Variants in ARHGAP18 observed in about 807,000 individuals in gnomAD.
The protein encoded by ARHGAP18 is Rho GTPase activating protein 18, also known as rho GTPase-activating protein 18.
ARHGAP18 carries 67 observed loss-of-function variants against 86.2 expected under a neutral mutation model. That is an observed-to-expected ratio of 0.78 (90% confidence interval 0.64 to 0.95). ARHGAP18 has a LOEUF of 0.95. Among genes scored for constraint, ARHGAP18 ranks in the 40% least tolerant of loss-of-function variants. ARHGAP18 has a pLI of 0.00. For synonymous variants in ARHGAP18, 283 were observed against 280.4 expected (o/e 1.01, Z -0.09); for missense variants, 691 against 780.4 (o/e 0.89, Z 1.37).
intron 4 of ARHGAP18, 134 bp from the exon 5 acceptor site, chr6:129,629,656 A>G: frequency 1.1e-6 from 1 of 916,934 alleles, no homozygotes; most frequent in Non-Finnish European, 1.6e-6. Context: ...CGTTATTTTA[A>G]TACTAAAGAG....
chr6:129,636,872 C>T (rs1051131881), intron 3 of ARHGAP18, among the ~76,000 whole-genome samples: 2 of 152,182 alleles, frequency 1.3e-5, no homozygotes, highest in African/African-American at 2.4e-5. Context: ...ACCTCAAGAA[C>T]ACCATCTAGA....
chr6:129,610,051 G>C (rs540183278), intron 8 of ARHGAP18, among the ~76,000 whole-genome samples: 1 of 152,340 alleles, frequency 6.6e-6, no homozygotes, highest in South Asian at 2.1e-4. Flanking sequence ...AAAATGAAGA[G>C]AGATTCTCTC....
chr6:129,605,633 C>T (rs542199699), intron 10 of ARHGAP18, among the ~76,000 whole-genome samples: 1 of 151,928 alleles, frequency 6.6e-6, no homozygotes, highest in East Asian at 1.9e-4. Context: ...GAACCTCAAT[C>T]GTCTGGTTTG....
At chr6:129,585,251 C>G (rs1788373447) in intron 12 of ARHGAP18, among the ~76,000 whole-genome samples, 1 of 150,970 alleles carries the variant, frequency 6.6e-6, no homozygotes, top group Non-Finnish European at 1.5e-5. Context: ...GAGACGCACT[C>G]CAGCCTGGGA....
intron 7 of ARHGAP18, among the ~76,000 whole-genome samples, chr6:129,614,316 C>CT (rs929434227): frequency 9.9e-5 from 15 of 151,804 alleles, no homozygotes; most frequent in African/African-American, 3.6e-4. Flanking sequence ...TAAATCAAAA[C>CT]TTTTTTTGTG....
chr6:129,614,437 C>T (rs1318597631), intron 7 of ARHGAP18, among the ~76,000 whole-genome samples: 3 of 152,040 alleles, frequency 2.0e-5, no homozygotes, highest in Admixed American at 2.0e-4. Context: ...AACAAAAATA[C>T]TTTAGGGCCA....
At chr6:129,625,089 G>GATATATATTATATATAAT (rs1185799367) in intron 5 of ARHGAP18, among the ~76,000 whole-genome samples, 1 of 94,230 alleles carries the variant, frequency 1.1e-5, no homozygotes, top group Non-Finnish European at 1.9e-5. Flanking sequence ...TATGATATAT[G>GATATATATTATATATAAT]ATATATGATA....
At chr6:129,634,530 G>C (rs1773292342) in intron 3 of ARHGAP18, among the ~76,000 whole-genome samples, 1 of 152,100 alleles carries the variant, frequency 6.6e-6, no homozygotes, top group Non-Finnish European at 1.5e-5. Flanking sequence ...AAGAAACCTT[G>C]AAAATACTAT....
At chr6:129,598,658 A>C (rs1004386506) in intron 12 of ARHGAP18, among the ~76,000 whole-genome samples, 1 of 152,114 alleles carries the variant, frequency 6.6e-6, no homozygotes. Context: ...TTCTTTTTTG[A>C]AACATCTTAA....
chr6:129,632,817 A>G (rs956964261), intron 4 of ARHGAP18, among the ~76,000 whole-genome samples: 2 of 152,178 alleles, frequency 1.3e-5, no homozygotes, highest in Non-Finnish European at 2.9e-5. Flanking sequence ...TATGGAAGGA[A>G]AAGATCCCAT....
chr6:129,607,370 T>C (rs1275293310), intron 9 of ARHGAP18, among the ~76,000 whole-genome samples: 1 of 152,170 alleles, frequency 6.6e-6, no homozygotes, highest in Non-Finnish European at 1.5e-5. Flanking sequence ...AAAATGGCAG[T>C]ACATAAGAAG....
At chr6:129,624,949 A>T (rs1288399269) in intron 5 of ARHGAP18, among the ~76,000 whole-genome samples, 1 of 128,338 alleles carries the variant, frequency 7.8e-6, no homozygotes, top group Non-Finnish European at 1.6e-5. Flanking sequence ...CCATTTCAAA[A>T]ATATATATAT....
chr6:129,632,308 G>A (rs1411130830), intron 4 of ARHGAP18, among the ~76,000 whole-genome samples: 1 of 152,154 alleles, frequency 6.6e-6, no homozygotes, highest in Non-Finnish European at 1.5e-5. Flanking sequence ...TAGCATTCCA[G>A]CAAAAGCAGA....
At chr6:129,664,361 T>C (rs986882300) in intron 1 of ARHGAP18, among the ~76,000 whole-genome samples, 2 of 152,122 alleles carry the variant, frequency 1.3e-5, no homozygotes, top group Non-Finnish European at 2.9e-5. Context: ...CAATGGATCA[T>C]GGTTATTTCC....
intron 1 of ARHGAP18, among the ~76,000 whole-genome samples, chr6:129,658,251 C>T (rs1773879662): frequency 6.6e-6 from 1 of 152,180 alleles, no homozygotes; most frequent in Non-Finnish European, 1.5e-5. Flanking sequence ...TTTCACCTGC[C>T]ACTTTGCCTT....
At chr6:129,688,070 A>T (rs1288968872) in intron 1 of ARHGAP18, among the ~76,000 whole-genome samples, 1 of 152,196 alleles carries the variant, frequency 6.6e-6, no homozygotes, top group Non-Finnish European at 1.5e-5. Flanking sequence ...CATGGATGAA[A>T]AGAAATCCCA....
intron 1 of ARHGAP18, among the ~76,000 whole-genome samples, chr6:129,689,852 C>A (rs940166352): frequency 6.6e-6 from 1 of 152,114 alleles, no homozygotes; most frequent in East Asian, 1.9e-4. Context: ...CCTGGAAAAA[C>A]GATTCTTTGT....
At chr6:129,622,487 G>A (rs961739422) in intron 5 of ARHGAP18, among the ~76,000 whole-genome samples, 7 of 152,054 alleles carry the variant, frequency 4.6e-5, no homozygotes, top group South Asian at 2.1e-4. Context: ...TTTACCTAGC[G>A]ATATATGTCA....
chr6:129,669,699 C>T (rs1470961837), intron 1 of ARHGAP18, among the ~76,000 whole-genome samples: 5 of 151,496 alleles, frequency 3.3e-5, no homozygotes, highest in African/African-American at 1.2e-4. Context: ...GCAGGAGAAT[C>T]GCTTGAACCC....
Sources: gnomAD v4.1 joint callset for allele counts (sites outside exome capture counted in the v4.1 genomes callset) on GRCh38, gnomAD v4.1.1 for gene constraint, MANE v1.5 for transcripts, NCBI Gene and HGNC (gene_info 2026-07-23, HGNC 2026-07-21) for gene names.